Variants in FRY observed in about 807,000 individuals in gnomAD.
The protein encoded by FRY is FRY microtubule binding protein.
FRY carries 128 observed loss-of-function variants against 348.4 expected under a neutral mutation model. The ratio of observed to expected loss-of-function variants is 0.37; its 90% CI spans 0.32 to 0.43. The LOEUF is 0.43. Ranked by LOEUF, FRY falls within the 20% of genes least tolerant of loss-of-function variation. The pLI is 1.00. For missense variants in FRY, 2,736 were observed against 3,695.2 expected (o/e 0.74, Z 6.73); for synonymous variants, 1,370 against 1,374.7 (o/e 1.00, Z 0.08).
intron 47 of FRY, among the ~76,000 whole-genome samples, chr13:32,244,735 T>C (rs1053511071): frequency 2.0e-5 from 3 of 152,172 alleles, no homozygotes; most frequent in Non-Finnish European, 4.4e-5. Context: ...TGATGAATAG[T>C]ACAAAGGGAT....
chr13:32,063,486 A>G (rs1874066121), intron 1 of FRY, among the ~76,000 whole-genome samples: 2 of 152,192 alleles, frequency 1.3e-5, no homozygotes, highest in Admixed American at 1.3e-4. Flanking sequence ...TTGCATTGTG[A>G]CCCAGAACTC....
intron 59 of FRY, among the ~76,000 whole-genome samples, chr13:32,292,653 A>G (rs769679050): frequency 6.3e-4 from 96 of 152,084 alleles, no homozygotes; most frequent in Admixed American, 1.4e-3. Flanking sequence ...CTAGCCAGGC[A>G]TGGTAGCCCG....
At position 32,232,984 on chromosome 13, in the gene FRY, A is replaced by G. The variant is rs74044944; in HGVS notation, c.5528-1590A>G. ...ACATAAAATCACAAAATCATTTGCC[A>G]GGGTACCTAACTTCCACATATAAAA... On this transcript the variant is annotated intron_variant, in intron 41 of 60. Coordinates refer to ENST00000542859, the MANE Select transcript of FRY (RefSeq NM_023037.3). Among the ~76,000 whole-genome samples, 420 of 151,980 alleles carry G rather than the reference A, an allele frequency of 2.8e-3. 2 individuals are homozygous for G. Among genetic ancestry groups the G allele is most frequent in the African/African-American group, 9.6e-3 (398 of 41,356 alleles).
chr13:32,280,708 C>T (rs907777577), intron 58 of FRY, among the ~76,000 whole-genome samples: 6 of 152,214 alleles, frequency 3.9e-5, no homozygotes, highest in African/African-American at 1.4e-4. Context: ...TTCTCTGTAA[C>T]AGAACTTCAG....
In FRY at chr13:32,239,287, C is replaced by T. The variant is rs201788066; in HGVS notation, c.6454C>T (p.Leu2152=). The T allele has an allele frequency of 7.4e-5, 119 of 1,611,034 alleles. No individual in the cohort carries two copies. The highest frequency in any genetic ancestry group is 9.8e-5 in the Non-Finnish European group (115 of 1,177,296). Reference sequence around the variant, plus strand: ...GAATGTCTTGTGTCTCCTGCCTCAGCTGATTCAGCATTTTGAAAATCCCAA... The same window carrying T: ...GAATGTCTTGTGTCTCCTGCCTCAGTTGATTCAGCATTTTGAAAATCCCAA... ...PLNVLCLLPQ[L]IQHFENPNQF... Residue 2152 remains leucine (L), a synonymous_variant, in exon 45 of 61, where the codon CTG becomes TTG. Coordinates refer to ENST00000542859, the MANE Select transcript of FRY (RefSeq NM_023037.3). This position sits in a 1 kb window ranked among gnomAD's most constrained non-coding sequence, Gnocchi z 4.3.
chr13:32,250,405 C>T (rs1156488296), intron 49 of FRY, among the ~76,000 whole-genome samples: 2 of 152,208 alleles, frequency 1.3e-5, no homozygotes, highest in African/African-American at 4.8e-5. Flanking sequence ...CTTAGGCTGT[C>T]TCCTCACTGT....
At chr13:32,273,881 A>T (rs902540131) in intron 55 of FRY, among the ~76,000 whole-genome samples, 5 of 152,238 alleles carry the variant, frequency 3.3e-5, no homozygotes, top group Admixed American at 1.3e-4. Context: ...CAAAAAGATT[A>T]TACAGGCTGA....
In FRY at chr13:32,257,988, T is replaced by C. The variant is rs771204754; in HGVS notation, c.7416+3594T>C. On this transcript the variant is annotated intron_variant, in intron 51 of 60. Coordinates refer to ENST00000542859, the MANE Select transcript of FRY (RefSeq NM_023037.3). ...GGAACTTCAGGTAAGATGATGCTGT[T>C]TTTAATTCAAATATGCTAGTAGATG... 8 of 1,602,662 alleles carry C rather than the reference T, an allele frequency of 5.0e-6. No homozygotes were observed. In the South Asian group the frequency reaches 8.8e-5, roughly 18 times the overall value.
chr13:32,033,983 C>G lies in FRY; in HGVS notation c.70+2118C>G, dbSNP rs757812586. Among the ~76,000 whole-genome samples the G allele has an allele frequency of 1.1e-4, 17 of 152,184 alleles. 1 individual carries two copies. The highest frequency in any genetic ancestry group is 1.5e-5 in the Non-Finnish European group (1 of 68,040). On this transcript the variant is annotated intron_variant, in intron 1 of 60. Coordinates refer to ENST00000542859, the MANE Select transcript of FRY (RefSeq NM_023037.3). ...CAAAGTAGAAACAGAAGCCCTAAGGCTCAACATACTCAGTGTAACCTTGGC... is the reference window on the plus strand; with the variant it reads ...CAAAGTAGAAACAGAAGCCCTAAGGGTCAACATACTCAGTGTAACCTTGGC...
At position 32,251,972 on chromosome 13, in the gene FRY, A is replaced by G. The variant is rs765131856; in HGVS notation, c.7245+20A>G. ...CCATCAGTAAGTTCTGTCATGTGTCATAGTTATTTTGGTGTCATATCTCCT... is the reference window on the plus strand; with the variant it reads ...CCATCAGTAAGTTCTGTCATGTGTCGTAGTTATTTTGGTGTCATATCTCCT... On this transcript the variant is annotated intron_variant, in intron 50 of 60. Coordinates refer to ENST00000542859, the MANE Select transcript of FRY (RefSeq NM_023037.3). 7.1e-5 allele frequency: 111 copies of G among 1,553,716 alleles called. 1 individual carries two copies. The South Asian group carries it at 7.9e-4, about 11-fold the overall frequency.
chr13:32,235,926 A>G (rs1886201909), intron 42 of FRY, 152 bp from the exon 43 acceptor site: 1 of 687,204 alleles, frequency 1.5e-6, no homozygotes, highest in African/African-American at 1.8e-5. Flanking sequence ...AGCCATCTGA[A>G]TTTCCTAAGT....
In FRY at chr13:32,178,846, G is replaced by A; in HGVS notation, c.2684G>A (p.Ser895Asn). ...QSVMPLVDPN[S>N]PINAKKTSTA... is the part of the protein sequence containing the mutation. ...TGTTTTCGACTCCATATTTCTAGTAGCCCAATTAATGCCAAGAAAACCAGC... is the reference window on the plus strand; with the variant it reads ...TGTTTTCGACTCCATATTTCTAGTAACCCAATTAATGCCAAGAAAACCAGC... Residue 895 changes from serine to asparagine, a missense_variant and splice_region_variant, in exon 22 of 61, where the codon AGC becomes AAC. By Grantham distance (46) the Ser-to-Asn change is conservative. Coordinates refer to ENST00000542859, the MANE Select transcript of FRY (RefSeq NM_023037.3). 2 of 1,606,630 alleles carry A rather than the reference G, an allele frequency of 1.2e-6. No individual in the cohort carries two copies. Among genetic ancestry groups the A allele is most frequent in the Non-Finnish European group, 1.7e-6 (2 of 1,173,252 alleles).
At chr13:32,165,805 CAA>C (rs1004067977) in intron 17 of FRY, among the ~76,000 whole-genome samples, 13 of 152,322 alleles carry the variant, frequency 8.5e-5, no homozygotes, top group African/African-American at 2.6e-4. Context: ...TTACCTTACA[CAA>C]GTGTTTTCCA....
In FRY at chr13:32,237,495, G is replaced by A; in HGVS notation, c.5927G>A (p.Ser1976Asn). 1 of 1,614,118 alleles carries A rather than the reference G, an allele frequency of 6.2e-7. No individual in the cohort carries two copies. Among genetic ancestry groups the A allele is most frequent in the Non-Finnish European group, 8.5e-7 (1 of 1,180,034 alleles). The change falls in exon 44 of 61, where the codon AGC (serine) becomes AAC (asparagine). Residue 1976 changes from serine (S) to asparagine (N), a missense_variant. Ser to Asn is a conservative substitution (Grantham distance 46). Transcript: ENST00000542859. This position sits in a 1 kb window ranked among gnomAD's most constrained non-coding sequence, Gnocchi z 6.3. ...GGCAACACCGCAACTGCCGAACGGA[G>A]CCGGCATCAACGAAGCTTCTCTGTG... is the stretch of plus-strand genomic sequence containing the variant. ...TSGNTATAERSRHQRSFSVPK... is the reference protein window; with the variant it reads ...TSGNTATAERNRHQRSFSVPK...
chr13:32,050,083 C>G (rs955757243), intron 1 of FRY, among the ~76,000 whole-genome samples: 1 of 152,140 alleles, frequency 6.6e-6, no homozygotes, highest in Non-Finnish European at 1.5e-5. Context: ...AGCCCCTATA[C>G]ATTCATTTTA....
At chr13:32,166,900 G>A (rs1214591915) in intron 17 of FRY, among the ~76,000 whole-genome samples, 2 of 151,994 alleles carry the variant, frequency 1.3e-5, no homozygotes, top group Admixed American at 1.3e-4. Flanking sequence ...TCTTCCTCCA[G>A]GAATATTTTT....
At chr13:32,055,008 C>A (rs1348286464) in intron 1 of FRY, among the ~76,000 whole-genome samples, 3 of 152,154 alleles carry the variant, frequency 2.0e-5, no homozygotes, top group African/African-American at 7.2e-5. Flanking sequence ...ACAAGGTTAC[C>A]AGCTAGAGAG....
intron 2 of FRY, among the ~76,000 whole-genome samples, chr13:32,100,912 C>T (rs138115948): frequency 2.3e-3 from 355 of 152,268 alleles, no homozygotes; most frequent in African/African-American, 8.2e-3. Context: ...GTTCTGCCCT[C>T]GTGATTTAAT....
chr13:32,235,723 C>T (rs986921018), intron 42 of FRY, among the ~76,000 whole-genome samples: 2 of 152,166 alleles, frequency 1.3e-5, no homozygotes, highest in East Asian at 1.9e-4. Context: ...TAAAACACCA[C>T]GGAGGCAGCT....
Sources: gnomAD v4.1 joint callset for allele counts (sites outside exome capture counted in the v4.1 genomes callset) on GRCh38, gnomAD v4.1.1 for gene constraint, Gnocchi (gnomAD v3.1) non-coding constraint, MANE v1.5 for transcripts, NCBI Gene and HGNC (gene_info 2026-07-23, HGNC 2026-07-21) for gene names.